Variants in FMNL1 observed in about 807,000 individuals in gnomAD.
FMNL1 encodes the protein formin like 1.
Under a neutral mutation model 121.3 loss-of-function variants are expected in FMNL1, and 43 were observed. The ratio of observed to expected loss-of-function variants is 0.35; its 90% confidence interval spans 0.28 to 0.46. The LOEUF (loss-of-function observed/expected upper bound fraction) is 0.46. FMNL1 is among the 20% of genes least tolerant of loss of function. The pLI, the probability that FMNL1 is intolerant of heterozygous loss-of-function variation, is 1.00. For synonymous variants in FMNL1, 613 were observed against 613.5 expected (o/e 1.00, Z 0.01); for missense variants, 1,191 against 1,482.4 (o/e 0.80, Z 3.23).
Position 45,245,419 on chromosome 17 carries a change from G to T in FMNL1, c.2892+3G>T, listed in dbSNP as rs765697779. Reference sequence around the variant, plus strand: ...TGGCAGACAGCAAGACGGCTCAGGTGCGCCAGGGCTGGCCTCACCTGGAGG... The same window carrying T: ...TGGCAGACAGCAAGACGGCTCAGGTTCGCCAGGGCTGGCCTCACCTGGAGG... On this transcript the variant is annotated splice_donor_region_variant and intron_variant, in intron 22 of 26. Coordinates refer to ENST00000331495, the MANE Select transcript of FMNL1 (RefSeq NM_005892.4). 5.6e-6 allele frequency: 9 copies of T among 1,614,100 alleles called. No individual in the cohort carries two copies. Among genetic ancestry groups the T allele is most frequent in the Non-Finnish European group, 5.9e-6 (7 of 1,180,010 alleles).
intron 6 of FMNL1, chr17:45,234,590 G>T: frequency 3.3e-6 from 1 of 306,828 alleles, no homozygotes; most frequent in Non-Finnish European, 6.4e-6. Flanking sequence ...CTGGAGCCCA[G>T]GGGATGGAGG....
At position 45,237,204 on chromosome 17, in the gene FMNL1, T is replaced by A. The variant is rs1407291374; in HGVS notation, c.724-77T>A. ...AGAACTTCCTAAACTCGAGGGCAGT[T>A]AAAGATCCACGTGGCGTGGGTGCCT... is the stretch of plus-strand genomic sequence containing the variant. On this transcript the variant is annotated intron_variant, in intron 7 of 26. Transcript: ENST00000331495. This position sits in a 1 kb window ranked among gnomAD's most constrained non-coding sequence, Gnocchi z 4.4. 7.1e-6 allele frequency: 10 copies of A among 1,400,468 alleles called. No individual in the cohort carries two copies. The highest frequency in any genetic ancestry group is 1.0e-5 in the Non-Finnish European group (10 of 990,576). The allele number at this position is 1,400,468 out of a possible 1,614,324, so 86.8% of individuals were successfully genotyped here. A position where few individuals can be genotyped will look rare whatever the true frequency, so the allele number is the denominator to read the frequency against.
intron 26 of FMNL1, 41 bp from the exon 27 acceptor site, chr17:45,246,826 G>T: frequency 1.4e-6 from 1 of 701,262 alleles, no homozygotes; most frequent in South Asian, 1.5e-5. Flanking sequence ...CCAGCTCTGG[G>T]CGGACTCCTG....
chr17:45,236,143 C>G lies in FMNL1; in HGVS notation c.622C>G (p.Pro208Ala), dbSNP rs778447690. ...KSRHLTIKLT[P>A]AHSRKALRNS... ...CCTCCACACCCCGCCCAGGCTGACCCCAGCCCACAGCAGGAAGGCCCTGCG... is the reference window on the plus strand; with the variant it reads ...CCTCCACACCCCGCCCAGGCTGACCGCAGCCCACAGCAGGAAGGCCCTGCG... Residue 208 changes from proline to alanine, a missense_variant, in exon 7 of 27, where the codon CCA becomes GCA. Pro to Ala is a conservative substitution (Grantham distance 27). This residue lies in a region of FMNL1 where 253 missense variants were observed against 417.5 expected (regional missense o/e 0.61). Coordinates refer to ENST00000331495, the MANE Select transcript of FMNL1 (RefSeq NM_005892.4). The G allele has an allele frequency of 6.2e-7, 1 of 1,611,808 alleles. No homozygotes were observed. Among genetic ancestry groups the G allele is most frequent in the African/African-American group, 1.3e-5 (1 of 74,940 alleles).
At chr17:45,224,343 G>GC (rs961503833) in intron 1 of FMNL1, among the ~76,000 whole-genome samples, 34 of 152,238 alleles carry the variant, frequency 2.2e-4, no homozygotes, top group African/African-American at 8.2e-4. Context: ...CTCAGGTCTG[G>GC]CAGTGTGTAT....
At chr17:45,232,853 G>C in intron 3 of FMNL1, 1 of 563,490 alleles carries the variant, frequency 1.8e-6, no homozygotes, top group Non-Finnish European at 3.4e-6. Context: ...ATGTGTGTGT[G>C]TGTGTGTCCA....
intron 16 of FMNL1, among the ~76,000 whole-genome samples, chr17:45,242,916 C>T (rs534672134): frequency 2.0e-5 from 3 of 152,350 alleles, no homozygotes; most frequent in Admixed American, 6.5e-5. Flanking sequence ...AAGTCTGGAT[C>T]CCCCGGGTTA....
rs755630253 is a variant in FMNL1 at position 45,246,335 on chromosome 17, GGGCTT to G, written c.3211+9_3211+13del. The G allele has an allele frequency of 9.3e-6, 15 of 1,613,972 alleles. No homozygotes were observed. In the African/African-American group the frequency reaches 1.9e-4, roughly 20 times the overall value. The stretch of plus-strand genomic sequence containing the variant: ...CCATTGAAGACATCATCACAGGTAA[GGGCTT>G]GGCCAGGCCTTGGTCTTATCCTCAG... On this transcript the variant is annotated splice_donor_region_variant and intron_variant, in intron 25 of 26. Coordinates refer to ENST00000331495, the MANE Select transcript of FMNL1 (RefSeq NM_005892.4).
At position 45,241,607 on chromosome 17, in the gene FMNL1, G is replaced by A. The variant is rs1166328867; in HGVS notation, c.1558G>A (p.Gly520Arg). The A allele has an allele frequency of 3.3e-6, 5 of 1,535,378 alleles. No individual in the cohort carries two copies. Among genetic ancestry groups the A allele is most frequent in the Non-Finnish European group, 2.6e-6 (3 of 1,138,150 alleles). ...TPSGGDAPTP[G>R]VPTGSPSPDL... ...GAGCGGCGGTGATGCTCCGACTCCG[G>A]GGGTGCCGACCGGCTCCCCCAGCCC... Residue 520 changes from glycine (G) to arginine (R), a missense_variant, in exon 14 of 27, where the codon GGG (glycine) becomes AGG (arginine). Transcript: ENST00000331495. The surrounding 1 kb of genome is among the most constrained non-coding windows in gnomAD (Gnocchi z 7.0).
rs757273090 is a variant in FMNL1, at chr17:45,246,606, T to C, written c.*8+2T>C. The C allele has an allele frequency of 1.3e-6, 2 of 1,586,506 alleles. No homozygotes were observed. Among genetic ancestry groups the C allele is most frequent in the East Asian group, 2.2e-5 (1 of 44,562 alleles). ...AGAGATGCCCCTCTAGCCCCTCAGG[T>C]ACCCAGATGACCTGGCCTCTGATAC... is the stretch of plus-strand genomic sequence containing the variant. On this transcript the variant is annotated splice_donor_variant, in intron 26 of 26. Coordinates refer to ENST00000331495, the MANE Select transcript of FMNL1 (RefSeq NM_005892.4). LOFTEE classifies it low-confidence loss of function (3UTR_SPLICE).
rs1400997328 is a variant in FMNL1, at chr17:45,231,181, G to A, written c.213+494G>A. Among the ~76,000 whole-genome samples the A allele has an allele frequency of 6.6e-6, 1 of 152,196 alleles. No individual in the cohort carries two copies. Among genetic ancestry groups the A allele is most frequent in the Non-Finnish European group, 1.5e-5 (1 of 68,030 alleles). ...CTTTGGACCCCTGCTTTGGTGCTCC[G>A]TCCAGGTGCCTGGACTCACGGGTCA... On this transcript the variant is annotated intron_variant, in intron 2 of 26. Transcript: ENST00000331495. The surrounding 1 kb of genome is among the most constrained non-coding windows in gnomAD (Gnocchi z 4.7).
In FMNL1 at chr17:45,233,891, C is replaced by T. The variant is rs2043494305; in HGVS notation, c.485+160C>T. ...AGCGATGCTCCTTCCAGAAGGCCTG[C>T]CCCCGACAGGGAGGGGTGGCCTCTC... On this transcript the variant is annotated intron_variant, in intron 5 of 26. Coordinates refer to ENST00000331495, the MANE Select transcript of FMNL1 (RefSeq NM_005892.4). The surrounding 1 kb of genome is among the most constrained non-coding windows in gnomAD (Gnocchi z 4.1). The T allele has an allele frequency of 1.5e-6, 2 of 1,316,150 alleles. No individual in the cohort carries two copies. The highest frequency in any genetic ancestry group is 1.4e-5 in the South Asian group (1 of 69,068). 81.5% of individuals were successfully genotyped at this position (1,316,150 alleles called of 1,614,324 possible).
At chr17:45,224,710 G>C (rs959820411) in intron 1 of FMNL1, among the ~76,000 whole-genome samples, 1 of 152,296 alleles carries the variant, frequency 6.6e-6, no homozygotes, top group East Asian at 1.9e-4. Context: ...GGTGGGTGGT[G>C]GGGGGCTACC....
At position 45,239,077 on chromosome 17, in the gene FMNL1, A is replaced by G; in HGVS notation, c.1080+12A>G. On this transcript the variant is annotated intron_variant, in intron 11 of 26. Transcript: ENST00000331495. ...ACCTGTACTTGGAGGTAAGCCCTGTACTGCCCCCCAGACTGAACTGCCTGC... is the reference window on the plus strand; with the variant it reads ...ACCTGTACTTGGAGGTAAGCCCTGTGCTGCCCCCCAGACTGAACTGCCTGC... 2.5e-6 allele frequency: 4 copies of G among 1,605,812 alleles called. No individual in the cohort carries two copies. The highest frequency in any genetic ancestry group is 3.4e-6 in the Non-Finnish European group (4 of 1,172,508).
chr17:45,223,025 G>C (rs1466565579), intron 1 of FMNL1, among the ~76,000 whole-genome samples: 2 of 152,210 alleles, frequency 1.3e-5, no homozygotes, highest in African/African-American at 4.8e-5. Flanking sequence ...ATGTTCAGTG[G>C]GGTGGGGGCT....
At chr17:45,223,972 A>G (rs921202358) in intron 1 of FMNL1, among the ~76,000 whole-genome samples, 2 of 152,070 alleles carry the variant, frequency 1.3e-5, no homozygotes, top group Admixed American at 6.5e-5. Flanking sequence ...GCTGAGTCTG[A>G]CACTAAATGC....
chr17:45,222,099 G>A lies in FMNL1; in HGVS notation c.-26G>A, dbSNP rs2043237385. The A allele has an allele frequency of 1.7e-5, 20 of 1,146,404 alleles. No individual in the cohort carries two copies. The South Asian group carries it at 6.3e-4, about 36-fold the overall frequency. The allele number at this position is 1,146,404 out of a possible 1,614,324, so 71.0% of individuals were successfully genotyped here. A position where few individuals can be genotyped will look rare whatever the true frequency, so the allele number is the denominator to read the frequency against. ...AAGCTGGATTTCCGAGGCTGGAGGC[G>A]CCTGGCCGGCTGGGTGGGGACCACC... On this transcript the variant is annotated 5_prime_UTR_variant, in exon 1 of 27. Transcript: ENST00000331495.
Position 45,242,387 on chromosome 17 carries a change from C to G in FMNL1, c.1932C>G (p.Leu644=). 6.2e-7 allele frequency: 1 copy of G among 1,614,150 alleles called. No individual in the cohort carries two copies. Among genetic ancestry groups the G allele is most frequent in the Non-Finnish European group, 8.5e-7 (1 of 1,179,978 alleles). ...KPIQTKFRMP[L]LNWVALKPSQ... ...TCCAGACTAAGTTCCGAATGCCACT[C>G]TTGAACTGGGTGGCACTGAAACCCA... is the stretch of plus-strand genomic sequence containing the variant. Residue 644 remains leucine, a synonymous_variant, in exon 16 of 27, where the codon CTC becomes CTG. Transcript: ENST00000331495.
Position 45,240,604 on chromosome 17 carries a change from A to C in FMNL1, c.1209A>C (p.Glu403Asp). The change falls in exon 12 of 27, where the codon GAA becomes GAC. Residue 403 changes from glutamate to aspartate, a missense_variant. This residue lies in a region of FMNL1 where 519 missense variants were observed against 492.8 expected (regional missense o/e 1.05). Transcript: ENST00000331495. Reference sequence around the variant, plus strand: ...ACGCTGTGCTGGAGCACATGGAGGAACTGCAGGAGCAAGTGGCGCTGGTGA... The same window carrying C: ...ACGCTGTGCTGGAGCACATGGAGGACCTGCAGGAGCAAGTGGCGCTGGTGA... ...TKNAVLEHMEELQEQVALLTE... is the reference protein window; with the variant it reads ...TKNAVLEHMEDLQEQVALLTE... The C allele has an allele frequency of 6.2e-7, 1 of 1,613,708 alleles. No homozygotes were observed. The highest frequency in any genetic ancestry group is 8.5e-7 in the Non-Finnish European group (1 of 1,179,886).
Sources: gnomAD v4.1 joint callset for allele counts (sites outside exome capture counted in the v4.1 genomes callset) on GRCh38, gnomAD v4.1.1 for gene constraint, gnomAD v4.1.1 regional missense constraint, Gnocchi (gnomAD v3.1) non-coding constraint, MANE v1.5 for transcripts, NCBI Gene and HGNC (gene_info 2026-07-23, HGNC 2026-07-21) for gene names.